ZSWIM6: variants seen among roughly 807,000 people sequenced by gnomAD.
The protein encoded by ZSWIM6 is zinc finger SWIM domain-containing protein 6.
ZSWIM6 carries 9 observed loss-of-function variants against 113.2 expected under a neutral mutation model. That is an observed-to-expected ratio of 0.08 (90% CI 0.05 to 0.14). The LOEUF (loss-of-function observed/expected upper bound fraction) is 0.14. Among genes scored for constraint, ZSWIM6 ranks in the 10% least tolerant of loss-of-function variants. The pLI is 1.00. For synonymous variants in ZSWIM6, 611 were observed against 606.5 expected (o/e 1.01, Z -0.11); for missense variants, 1,162 against 1,552.2 (o/e 0.75, Z 4.22).
chr5:61,537,204 T>C (rs1270016858), intron 10 of ZSWIM6, among the ~76,000 whole-genome samples: 2 of 152,236 alleles, frequency 1.3e-5, no homozygotes, highest in Non-Finnish European at 2.9e-5. Flanking sequence ...TTTCTAACAC[T>C]CACAAACTCA....
chr5:61,489,328 C>A (rs1431594034), intron 2 of ZSWIM6, among the ~76,000 whole-genome samples: 1 of 151,986 alleles, frequency 6.6e-6, no homozygotes, highest in African/African-American at 2.4e-5. Flanking sequence ...CTTCCATCAC[C>A]CGGCCCTCTT....
intron 1 of ZSWIM6, among the ~76,000 whole-genome samples, chr5:61,360,637 T>C (rs555433651): frequency 1.3e-5 from 2 of 152,382 alleles, no homozygotes; most frequent in East Asian, 3.9e-4. Context: ...GCTGTTTCCA[T>C]TGATTTTACT....
intron 6 of ZSWIM6, 36 bp downstream of exon 6, chr5:61,526,012 T>TA (rs1561278755): frequency 6.5e-7 from 1 of 1,549,220 alleles, no homozygotes; most frequent in Admixed American, 2.0e-5. Context: ...TTCCATGACT[T>TA]ACTTCTTTGT....
chr5:61,335,521 G>C (rs1165812642), intron 1 of ZSWIM6, among the ~76,000 whole-genome samples: 2 of 152,236 alleles, frequency 1.3e-5, no homozygotes, highest in African/African-American at 4.8e-5. Context: ...GGTTTGAATT[G>C]ATATGCTAAC....
chr5:61,421,820 T>C (rs1272880757), intron 1 of ZSWIM6, among the ~76,000 whole-genome samples: 1 of 152,268 alleles, frequency 6.6e-6, no homozygotes, highest in Non-Finnish European at 1.5e-5. Flanking sequence ...TTGTTCTCTT[T>C]TATGGCTGCA....
intron 1 of ZSWIM6, among the ~76,000 whole-genome samples, chr5:61,380,778 C>A (rs1458750816): frequency 6.6e-6 from 1 of 152,138 alleles, no homozygotes; most frequent in Non-Finnish European, 1.5e-5. Context: ...ATTGCTAACC[C>A]CTGGTTTAGA....
chr5:61,530,046 A>G lies in ZSWIM6; in HGVS notation c.1838-6A>G. ...CCCCATTTCTCAATTCCCTTTCCTT[A>G]CACAGAGCTACCCCATAAAAACATA... is the stretch of plus-strand genomic sequence containing the variant. On this transcript the variant is annotated splice_polypyrimidine_tract_variant and splice_region_variant and intron_variant, in intron 7 of 13. Coordinates refer to ENST00000252744, the MANE Select transcript of ZSWIM6 (RefSeq NM_020928.2). The G allele has an allele frequency of 1.3e-6, 2 of 1,544,742 alleles. No homozygotes were observed. Among genetic ancestry groups the G allele is most frequent in the Non-Finnish European group, 1.8e-6 (2 of 1,142,792 alleles).
intron 1 of ZSWIM6, among the ~76,000 whole-genome samples, chr5:61,395,792 T>G (rs749388734): frequency 1.3e-5 from 2 of 152,130 alleles, no homozygotes; most frequent in Non-Finnish European, 2.9e-5. Flanking sequence ...GATAGTAGAG[T>G]GTTCTCAGAG....
intron 1 of ZSWIM6, among the ~76,000 whole-genome samples, chr5:61,403,593 G>A (rs138347807): frequency 1.2e-4 from 18 of 152,260 alleles, no homozygotes; most frequent in African/African-American, 3.9e-4. Context: ...AAGGAGCCTG[G>A]GAAAAGGAAC....
intron 4 of ZSWIM6, among the ~76,000 whole-genome samples, chr5:61,500,504 C>G (rs1342966514): frequency 1.3e-5 from 2 of 152,132 alleles, no homozygotes; most frequent in Non-Finnish European, 2.9e-5. Flanking sequence ...CAAAGCGAAG[C>G]TCACCTAGTG....
At chr5:61,451,430 A>G (rs1397052743) in intron 1 of ZSWIM6, among the ~76,000 whole-genome samples, 3 of 152,168 alleles carry the variant, frequency 2.0e-5, no homozygotes, top group South Asian at 2.1e-4. Context: ...GCTTTTGAAG[A>G]CAGATGCATA....
At chr5:61,375,084 T>G (rs1745344092) in intron 1 of ZSWIM6, 1 of 1,594,102 alleles carries the variant, frequency 6.3e-7, no homozygotes, top group Non-Finnish European at 8.6e-7. Context: ...TTTCCCTCGG[T>G]GTGCTACTGT....
At chr5:61,449,749 C>A (rs549608341) in intron 1 of ZSWIM6, among the ~76,000 whole-genome samples, 1 of 152,098 alleles carries the variant, frequency 6.6e-6, no homozygotes, top group Admixed American at 6.6e-5. Context: ...GATGGGGCAC[C>A]CATTCCATCA....
At chr5:61,339,688 CAA>C (rs1290628249) in intron 1 of ZSWIM6, among the ~76,000 whole-genome samples, 45 of 152,198 alleles carry the variant, frequency 3.0e-4, no homozygotes, top group Non-Finnish European at 4.6e-4. Context: ...ATCTTAGAAA[CAA>C]AGCGGGTTAT....
intron 1 of ZSWIM6, among the ~76,000 whole-genome samples, chr5:61,460,805 T>C (rs1747307903): frequency 6.6e-6 from 1 of 152,050 alleles, no homozygotes; most frequent in African/African-American, 2.4e-5. Flanking sequence ...CATCCTTTTA[T>C]GTAGCAGACA....
intron 1 of ZSWIM6, among the ~76,000 whole-genome samples, chr5:61,415,454 T>C (rs1746227639): frequency 6.6e-6 from 1 of 151,962 alleles, no homozygotes. Flanking sequence ...TAGCCGGGCG[T>C]GGTGGCACGT....
At chr5:61,526,576 T>A (rs1749289474) in intron 7 of ZSWIM6, among the ~76,000 whole-genome samples, 180 bp downstream of exon 7, 1 of 128,674 alleles carries the variant, frequency 7.8e-6, no homozygotes, top group Non-Finnish European at 1.6e-5. Flanking sequence ...CTTAGTTGAA[T>A]GTTGTAAGCA....
At chr5:61,518,211 C>T (rs1749010844) in intron 4 of ZSWIM6, among the ~76,000 whole-genome samples, 1 of 151,770 alleles carries the variant, frequency 6.6e-6, no homozygotes, top group Admixed American at 6.6e-5. Flanking sequence ...GGGTTGGTTC[C>T]AAGTCTTTGC....
intron 10 of ZSWIM6, among the ~76,000 whole-genome samples, chr5:61,536,144 C>T (rs1016949880): frequency 2.0e-5 from 3 of 152,206 alleles, no homozygotes; most frequent in African/African-American, 7.2e-5. Context: ...AGTCGCTATT[C>T]GGGGTCCTTC....
Sources: allele counts gnomAD v4.1 joint callset (sites outside exome capture counted in the v4.1 genomes callset), GRCh38; gene constraint gnomAD v4.1.1; transcripts MANE v1.5; gene names NCBI Gene and HGNC (gene_info 2026-07-23, HGNC 2026-07-21).